Variants in MARK3 observed in about 807,000 individuals in gnomAD.
MARK3 encodes microtubule affinity regulating kinase 3, also known as MAP/microtubule affinity-regulating kinase 3.
In MARK3, 46 loss-of-function variants were observed where a neutral mutation model predicts 90.1. The ratio of observed to expected loss-of-function variants is 0.51; its 90% CI spans 0.40 to 0.65. The LOEUF (loss-of-function observed/expected upper bound fraction) is 0.65. Ranked by LOEUF, MARK3 falls within the 30% of genes least tolerant of loss-of-function variation. MARK3 has a pLI of 0.00. For synonymous variants in MARK3, 321 were observed against 332.6 expected (o/e 0.97, Z 0.38); for missense variants, 818 against 947.2 (o/e 0.86, Z 1.79).
Position 103,385,865 on chromosome 14 carries a change from C to T in MARK3, c.-165C>T, listed in dbSNP as rs2089744216. On this transcript the variant is annotated 5_prime_UTR_variant, in exon 1 of 18. Coordinates refer to ENST00000429436, the MANE Select transcript of MARK3 (RefSeq NM_001128918.3). ...AGCCCCGGGACCCGCCGGGGGACGG[C>T]CCGGGCCAGGCCCGGGATCTAGACG... 2 of 578,974 alleles carry T rather than the reference C, an allele frequency of 3.5e-6. No homozygotes were observed. Among genetic ancestry groups the T allele is most frequent in the Non-Finnish European group, 6.1e-6 (2 of 326,706 alleles). 35.9% of individuals were successfully genotyped at this position (578,974 alleles called of 1,614,324 possible).
At chr14:103,467,303 T>G in intron 11 of MARK3, 112 bp downstream of exon 11, 2 of 543,004 alleles carry the variant, frequency 3.7e-6, no homozygotes, top group South Asian at 5.3e-5. Flanking sequence ...ACATCATTTT[T>G]TAGATTTACT....
intron 13 of MARK3, among the ~76,000 whole-genome samples, chr14:103,478,877 T>C (rs2093767486): frequency 6.6e-6 from 1 of 152,210 alleles, no homozygotes; most frequent in African/African-American, 2.4e-5. Context: ...TTGGGGGTAA[T>C]ATTCCATTCT....
chr14:103,462,006 A>G (rs1399721525), intron 6 of MARK3, among the ~76,000 whole-genome samples: 1 of 147,034 alleles, frequency 6.8e-6, no homozygotes, highest in Non-Finnish European at 1.5e-5. Context: ...ATTGCACTCT[A>G]GCCTGGGTGA....
chr14:103,410,307 G>A (rs2091554864), intron 2 of MARK3, among the ~76,000 whole-genome samples: 3 of 152,204 alleles, frequency 2.0e-5, no homozygotes, highest in African/African-American at 7.2e-5. Context: ...GAGGAGAAAG[G>A]AAGAAAAGAG....
intron 1 of MARK3, among the ~76,000 whole-genome samples, chr14:103,387,764 A>T (rs555259861): frequency 6.6e-5 from 10 of 152,274 alleles, no homozygotes; most frequent in African/African-American, 2.4e-4. Context: ...AAGTGCTGAG[A>T]TTACAGGCAT....
chr14:103,482,147 A>G (rs1420374795), intron 14 of MARK3, among the ~76,000 whole-genome samples: 1 of 152,098 alleles, frequency 6.6e-6, no homozygotes, highest in Non-Finnish European at 1.5e-5. Flanking sequence ...TTCTAGTTCA[A>G]AAGTGACTTA....
chr14:103,425,245 ATTTATTAT>A (rs1315955199), intron 2 of MARK3, among the ~76,000 whole-genome samples: 1 of 118,894 alleles, frequency 8.4e-6, no homozygotes, highest in South Asian at 3.9e-4. Context: ...TGGCCTATTT[ATTTATTAT>A]TTATTTATTT....
In MARK3 at chr14:103,462,426, T is replaced by G; in HGVS notation, c.505T>G (p.Cys169Gly). The G allele has an allele frequency of 7.5e-6, 12 of 1,604,702 alleles. No individual in the cohort carries two copies. Among genetic ancestry groups the G allele is most frequent in the Non-Finnish European group, 1.0e-5 (12 of 1,172,088 alleles). ...TCAGATTGTGTCTGCAGTTCAATAC[T>G]GCCATCAGAAACGGATCGTACATCG... ...FRQIVSAVQY[C>G]HQKRIVHRDL... The change falls in exon 7 of 18, where the codon TGC (cysteine) becomes GGC (glycine). Residue 169 changes from cysteine to glycine, a missense_variant. Cys to Gly is a radical substitution (Grantham distance 159). Transcript: ENST00000429436.
At chr14:103,494,191 G>A (rs1346390404) in intron 15 of MARK3, among the ~76,000 whole-genome samples, 6 of 145,118 alleles carry the variant, frequency 4.1e-5, no homozygotes, top group Non-Finnish European at 7.4e-5. Context: ...CCAAGATCGC[G>A]CCGCTGCACT....
intron 1 of MARK3, among the ~76,000 whole-genome samples, chr14:103,393,455 A>C (rs966910982): frequency 1.3e-5 from 2 of 152,252 alleles, no homozygotes; most frequent in East Asian, 3.9e-4. Context: ...TATGTATCTT[A>C]AGAAAGAAAA....
intron 1 of MARK3, chr14:103,386,444 A>T (rs1462617387): frequency 1.8e-6 from 1 of 563,316 alleles, no homozygotes; most frequent in African/African-American, 1.8e-5. Flanking sequence ...CTCTGCTTTT[A>T]ACTTGGTCAG....
chr14:103,410,053 TAG>T (rs1372398649), intron 2 of MARK3, among the ~76,000 whole-genome samples: 1 of 152,246 alleles, frequency 6.6e-6, no homozygotes, highest in African/African-American at 2.4e-5. Flanking sequence ...CAAAATGGAA[TAG>T]AGTGTTCATT....
chr14:103,396,218 T>C (rs2090570212), intron 1 of MARK3, among the ~76,000 whole-genome samples: 1 of 152,180 alleles, frequency 6.6e-6, no homozygotes, highest in African/African-American at 2.4e-5. Flanking sequence ...TGTTTCAGGC[T>C]TACTTCACTC....
At chr14:103,413,656 C>T (rs773721205) in intron 2 of MARK3, among the ~76,000 whole-genome samples, 2 of 151,324 alleles carry the variant, frequency 1.3e-5, no homozygotes, top group Non-Finnish European at 2.9e-5. Flanking sequence ...TGGAGTTTCA[C>T]CATATTGCCC....
At chr14:103,418,219 C>CTTTTTTTTTTTTTTTT (rs36012703) in intron 2 of MARK3, among the ~76,000 whole-genome samples, 2 of 61,666 alleles carry the variant, frequency 3.2e-5, no homozygotes, top group East Asian at 5.0e-4. Context: ...ATAGTAAAGG[C>CTTTTTTTTTTTTTTTT]TTTTTTTTTT....
chr14:103,401,794 A>G (rs916178475), intron 1 of MARK3, among the ~76,000 whole-genome samples: 2 of 152,232 alleles, frequency 1.3e-5, no homozygotes, highest in Admixed American at 6.5e-5. Flanking sequence ...AGTTAGATAC[A>G]AGCAAAGTAC....
chr14:103,412,692 T>C (rs2091722305), intron 2 of MARK3: 1 of 686,996 alleles, frequency 1.5e-6, no homozygotes, highest in African/African-American at 1.8e-5. Context: ...TTGGGGCACT[T>C]TCACTGGTTC....
At chr14:103,483,565 C>G (rs1191459235) in intron 14 of MARK3, among the ~76,000 whole-genome samples, 3 of 151,998 alleles carry the variant, frequency 2.0e-5, no homozygotes, top group Non-Finnish European at 2.9e-5. Flanking sequence ...TTAATTGGTT[C>G]TTACTAGGCC....
chr14:103,438,948 A>G (rs751250788), intron 3 of MARK3, among the ~76,000 whole-genome samples: 2 of 151,774 alleles, frequency 1.3e-5, no homozygotes, highest in East Asian at 3.9e-4. Context: ...TGTTCATGCC[A>G]CTGCATTCCA....
Sources: allele counts gnomAD v4.1 joint callset (sites outside exome capture counted in the v4.1 genomes callset), GRCh38; gene constraint gnomAD v4.1.1; transcripts MANE v1.5; gene names NCBI Gene and HGNC (gene_info 2026-07-23, HGNC 2026-07-21).